TXNRD2: variants seen among roughly 807,000 people sequenced by gnomAD.
The protein encoded by TXNRD2 is thioredoxin reductase 2, mitochondrial.
In TXNRD2, 67 loss-of-function variants were observed where a neutral mutation model predicts 70.8. That is an observed-to-expected ratio of 0.95 (90% CI 0.78 to 1.16). The LOEUF is 1.16. TXNRD2 is among the 50% of genes most tolerant of loss of function. The probability of loss-of-function intolerance (pLI) is 0.00; values close to 1 mark genes in which losing one functional copy is unlikely to be tolerated. For missense variants in TXNRD2, 644 were observed against 719.9 expected (o/e 0.89, Z 1.21); for synonymous variants, 301 against 295.8 (o/e 1.02, Z -0.18).
intron 1 of TXNRD2, 67 bp downstream of exon 1, chr22:19,941,634 G>C (rs1380259523): frequency 2.2e-6 from 3 of 1,374,442 alleles, no homozygotes; most frequent in Non-Finnish European, 9.3e-7. Context: ...CCGCCGCGCG[G>C]ACACCCTCAC....
intron 2 of TXNRD2, among the ~76,000 whole-genome samples, chr22:19,922,599 G>T (rs774244846): frequency 1.3e-5 from 2 of 152,120 alleles, no homozygotes; most frequent in Non-Finnish European, 2.9e-5. Flanking sequence ...TTCGACTCCA[G>T]GGTGGTTTTA....
rs142744795 is a variant in TXNRD2, at chr22:19,913,433, C to A, written c.591+1781G>T. On this transcript the variant is annotated intron_variant, in intron 7 of 17. Transcript: ENST00000400521. ...CAGCTGGGGTCTTTCAAAGCCCCCC[C>A]ACAAAGAAGAGTCAGAGTCAGCAAC... 4.4e-3 allele frequency among the ~76,000 whole-genome samples: 668 copies of A among 151,286 alleles called. 2 individuals are homozygous for A. Among genetic ancestry groups the A allele is most frequent in the African/African-American group, 0.016 (641 of 41,084 alleles).
chr22:19,894,047 C>A (rs1235687784), intron 11 of TXNRD2: 1 of 152,280 alleles, frequency 6.6e-6, no homozygotes, highest in African/African-American at 2.4e-5. Context: ...GACACACATA[C>A]AACTCAGCCT....
intron 1 of TXNRD2, chr22:19,932,546 A>G (rs1228088640): frequency 4.7e-6 from 7 of 1,502,842 alleles, no homozygotes; most frequent in Non-Finnish European, 5.3e-6. Context: ...ACTGGGCCTG[A>G]GGTCCGGGAC....
intron 1 of TXNRD2, chr22:19,933,320 TG>T: frequency 1.8e-6 from 1 of 555,344 alleles, no homozygotes; most frequent in Non-Finnish European, 3.1e-6. Context: ...CAAGGACTGC[TG>T]GTCAGGGAGA....
chr22:19,909,829 CCA>C (rs1399318226), intron 8 of TXNRD2, among the ~76,000 whole-genome samples: 6 of 118,382 alleles, frequency 5.1e-5, no homozygotes, highest in Non-Finnish European at 1.0e-4. Flanking sequence ...ACACCACACA[CCA>C]CACACACCCA....
At chr22:19,938,178 G>T (rs1941594858) in intron 1 of TXNRD2, 1 of 152,092 alleles carries the variant, frequency 6.6e-6, no homozygotes, top group South Asian at 2.1e-4. Flanking sequence ...GTTAGGCAGG[G>T]CATCCACCTC....
In TXNRD2 at chr22:19,919,258, C is replaced by T. The variant is rs1025912014; in HGVS notation, c.230-254G>A. Among the ~76,000 whole-genome samples, 3 of 148,274 alleles carry T rather than the reference C, an allele frequency of 2.0e-5. No individual in the cohort carries two copies. The Admixed American group carries it at 2.0e-4, about 10-fold the overall frequency. ...TTACCCAGGCTGGAGTGCAGTAGTG[C>T]AATCATAGCTCACTATAGCCTCGAA... On this transcript the variant is annotated intron_variant, in intron 3 of 17. Transcript: ENST00000400521.
intron 11 of TXNRD2, among the ~76,000 whole-genome samples, chr22:19,888,882 C>CTTTT (rs11372870): frequency 7.0e-6 from 1 of 142,670 alleles, no homozygotes; most frequent in Non-Finnish European, 1.5e-5. Flanking sequence ...TATTTATCTT[C>CTTTT]TTTTTTTTTT....
intron 11 of TXNRD2, among the ~76,000 whole-genome samples, chr22:19,892,901 T>C (rs1294607638): frequency 6.6e-6 from 1 of 152,226 alleles, no homozygotes; most frequent in East Asian, 1.9e-4. Context: ...GTGTTTATCA[T>C]AATAAACTTA....
rs531912659 is a variant in TXNRD2, at chr22:19,877,824, T to A, written c.1445+266A>T. On this transcript the variant is annotated intron_variant, in intron 16 of 17. Transcript: ENST00000400521. ...CATGGTGGCGTGGTGCTTGGCCAGG[T>A]GGGCAAGGGCCCTAGCAGCGACCCG... Among the ~76,000 whole-genome samples, 9 of 152,292 alleles carry A rather than the reference T, an allele frequency of 5.9e-5. No homozygotes were observed. The East Asian group carries it at 1.5e-3, about 26-fold the overall frequency.
rs779803379 is a variant in TXNRD2, at chr22:19,877,236, T to G, written c.1446-2A>C. 1 of 1,606,642 alleles carries G rather than the reference T, an allele frequency of 6.2e-7. No individual in the cohort carries two copies. The highest frequency in any genetic ancestry group is 1.1e-5 in the South Asian group (1 of 90,958). ...ACCTGCGCATAGGAAGCCCCACACC[T>G]GCACATGGGGGATGGGGGAGGCAGG... On this transcript the variant is annotated splice_acceptor_variant, in intron 16 of 17. Transcript: ENST00000400521. LOFTEE classifies it high-confidence loss of function.
chr22:19,914,974 G>T (rs1367977141), intron 7 of TXNRD2: 1 of 527,750 alleles, frequency 1.9e-6, no homozygotes, highest in Non-Finnish European at 3.5e-6. Flanking sequence ...ATCCAGCGGG[G>T]CAGGGGGAGA....
At chr22:19,921,844 G>C (rs1337266017) in intron 2 of TXNRD2, among the ~76,000 whole-genome samples, 1 of 152,194 alleles carries the variant, frequency 6.6e-6, no homozygotes, top group Non-Finnish European at 1.5e-5. Flanking sequence ...CCCACACAGG[G>C]CAGGGGACAG....
chr22:19,886,379 C>T (rs1939035023), intron 11 of TXNRD2, among the ~76,000 whole-genome samples: 1 of 152,264 alleles, frequency 6.6e-6, no homozygotes, highest in Non-Finnish European at 1.5e-5. Flanking sequence ...GGCCAGATCT[C>T]CCTGCTGGTG....
chr22:19,878,608 T>C (rs1938616462), intron 14 of TXNRD2, among the ~76,000 whole-genome samples, 171 bp from the exon 15 acceptor site: 1 of 152,172 alleles, frequency 6.6e-6, no homozygotes, highest in Non-Finnish European at 1.5e-5. Flanking sequence ...CCACGGGGTG[T>C]GTGCAGGCCC....
chr22:19,878,242 C>G (rs1403879596), intron 15 of TXNRD2, 55 bp from the exon 16 acceptor site: 7 of 1,597,104 alleles, frequency 4.4e-6, no homozygotes, highest in African/African-American at 2.7e-5. Context: ...TTGCGTCCAC[C>G]CTGCATCCAC....
At chr22:19,903,141 G>A in intron 8 of TXNRD2, 1 of 455,914 alleles carries the variant, frequency 2.2e-6, no homozygotes, top group South Asian at 1.6e-5. Context: ...CCCAGTGTGT[G>A]GGCTGGTCAG....
intron 2 of TXNRD2, among the ~76,000 whole-genome samples, chr22:19,922,826 A>G (rs1940967042): frequency 6.6e-6 from 1 of 152,154 alleles, no homozygotes; most frequent in Non-Finnish European, 1.5e-5. Flanking sequence ...AGCTGGGATT[A>G]CAGGTGCGCA....
Sources: allele counts gnomAD v4.1 joint callset (sites outside exome capture counted in the v4.1 genomes callset), GRCh38; gene constraint gnomAD v4.1.1; transcripts MANE v1.5; gene names NCBI Gene and HGNC (gene_info 2026-07-23, HGNC 2026-07-21).